GALNT17: variants seen among roughly 807,000 people sequenced by gnomAD.
GALNT17 encodes the protein polypeptide N-acetylgalactosaminyltransferase 17.
Under a neutral mutation model 63.7 loss-of-function variants are expected in GALNT17, and 29 were observed. The observed-to-expected ratio is 0.46, with a 90% CI of 0.34 to 0.62. The LOEUF (loss-of-function observed/expected upper bound fraction) is 0.62. GALNT17 is among the 20% of genes least tolerant of loss of function. GALNT17 has a pLI of 0.01. For synonymous variants in GALNT17, 305 were observed against 318.3 expected, an observed-to-expected ratio of 0.96 and a Z score of 0.45; for missense variants, 603 against 799.6, an observed-to-expected ratio of 0.75 and a Z score of 2.97.
At chr7:71,461,563 G>T (rs1312485768) in intron 5 of GALNT17, among the ~76,000 whole-genome samples, 1 of 152,216 alleles carries the variant, frequency 6.6e-6, no homozygotes, top group Non-Finnish European at 1.5e-5. Flanking sequence ...GAAGGCTGTG[G>T]TTTTCTTTCC....
intron 5 of GALNT17, among the ~76,000 whole-genome samples, chr7:71,437,075 A>C (rs2116506090): frequency 6.6e-6 from 1 of 152,320 alleles, no homozygotes; most frequent in South Asian, 2.1e-4. Context: ...AGAGGTCTTA[A>C]GTAAACACCA....
intron 2 of GALNT17, among the ~76,000 whole-genome samples, chr7:71,366,441 C>T (rs915158601): frequency 4.6e-5 from 7 of 152,110 alleles, no homozygotes; most frequent in African/African-American, 1.7e-4. Flanking sequence ...ATTAGCTAGG[C>T]ATGGTGGCGG....
At chr7:71,365,980 G>T (rs1341015411) in intron 2 of GALNT17, among the ~76,000 whole-genome samples, 1 of 152,156 alleles carries the variant, frequency 6.6e-6, no homozygotes, top group Non-Finnish European at 1.5e-5. Flanking sequence ...CCATCTGGGG[G>T]TGATGGGAGA....
chr7:71,603,339 T>TATG lies in GALNT17; in HGVS notation c.1080+31938_1080+31940dup, dbSNP rs575636764. Among the ~76,000 whole-genome samples the TATG allele has an allele frequency of 4.3e-4, 66 of 151,730 alleles. No individual in the cohort carries two copies. The South Asian group carries it at 1.0e-2, about 23-fold the overall frequency. ...CTATGCTAGTGCATATACCAGGTAC[T>TATG]ATGTTAAGTGCATACACTGGATACT... is the stretch of plus-strand genomic sequence containing the variant. On this transcript the variant is annotated intron_variant, in intron 6 of 10. Transcript: ENST00000333538.
chr7:71,463,442 G>T (rs1466994148), intron 5 of GALNT17, among the ~76,000 whole-genome samples: 1 of 152,100 alleles, frequency 6.6e-6, no homozygotes. Flanking sequence ...CCAGAAAGGG[G>T]TCCCAATCCA....
At chr7:71,562,473 G>A (rs1418248334) in intron 5 of GALNT17, among the ~76,000 whole-genome samples, 1 of 152,172 alleles carries the variant, frequency 6.6e-6, no homozygotes, top group Admixed American at 6.5e-5. Context: ...CCTGCAACTA[G>A]AGGGTCCCAT....
chr7:71,363,321 G>A (rs931852791), intron 2 of GALNT17, among the ~76,000 whole-genome samples: 3 of 152,186 alleles, frequency 2.0e-5, no homozygotes, highest in Non-Finnish European at 2.9e-5. Flanking sequence ...GTTTTGGAGT[G>A]TAGATGGTGT....
At chr7:71,203,414 A>G (rs1056208785) in intron 1 of GALNT17, among the ~76,000 whole-genome samples, 3 of 152,198 alleles carry the variant, frequency 2.0e-5, no homozygotes, top group East Asian at 1.9e-4. Flanking sequence ...ATTTTTTAAT[A>G]TACTTGTTGG....
chr7:71,640,449 A>G (rs187611547), intron 6 of GALNT17, among the ~76,000 whole-genome samples: 2 of 152,148 alleles, frequency 1.3e-5, no homozygotes, highest in African/African-American at 4.8e-5. Flanking sequence ...TATAAAATAC[A>G]TGTTGATGTT....
chr7:71,420,651 T>G (rs924409051), intron 4 of GALNT17, among the ~76,000 whole-genome samples: 3 of 152,158 alleles, frequency 2.0e-5, no homozygotes, highest in African/African-American at 7.2e-5. Flanking sequence ...CTCCAGGCTT[T>G]TCGGGCCAGA....
intron 1 of GALNT17, among the ~76,000 whole-genome samples, chr7:71,163,963 G>C (rs188642275): frequency 6.6e-6 from 1 of 152,272 alleles, no homozygotes; most frequent in South Asian, 2.1e-4. Flanking sequence ...TGTAGAGACT[G>C]TCTGCCATTT....
chr7:71,236,153 C>CCA (rs1451414449), intron 1 of GALNT17, among the ~76,000 whole-genome samples: 2 of 151,526 alleles, frequency 1.3e-5, no homozygotes, highest in Non-Finnish European at 2.9e-5. Flanking sequence ...TGCACTTCAG[C>CCA]CTGGGTAGAC....
At chr7:71,457,215 C>A (rs1363166264) in intron 5 of GALNT17, among the ~76,000 whole-genome samples, 1 of 152,176 alleles carries the variant, frequency 6.6e-6, no homozygotes, top group Non-Finnish European at 1.5e-5. Flanking sequence ...GATCTTGAGG[C>A]CTGCAGGGAA....
intron 2 of GALNT17, among the ~76,000 whole-genome samples, chr7:71,348,283 G>A (rs903445406): frequency 6.6e-6 from 1 of 151,908 alleles, no homozygotes; most frequent in East Asian, 1.9e-4. Context: ...AGAAATGGAT[G>A]CTCTTGAGAC....
intron 1 of GALNT17, among the ~76,000 whole-genome samples, chr7:71,176,211 A>T (rs1401037475): frequency 6.6e-6 from 1 of 152,028 alleles, no homozygotes; most frequent in Non-Finnish European, 1.5e-5. Flanking sequence ...ACTGAATTTT[A>T]GGATGTAGCC....
At chr7:71,655,525 G>A (rs1325034235) in intron 6 of GALNT17, among the ~76,000 whole-genome samples, 1 of 152,116 alleles carries the variant, frequency 6.6e-6, no homozygotes, top group Non-Finnish European at 1.5e-5. Flanking sequence ...CTGCAGACTG[G>A]GCCATGGTAT....
chr7:71,231,972 A>C (rs1789797961), intron 1 of GALNT17, among the ~76,000 whole-genome samples: 2 of 152,080 alleles, frequency 1.3e-5, no homozygotes, highest in South Asian at 4.2e-4. Context: ...ACATTGGGGA[A>C]GTAGGTTCTC....
At position 71,272,652 on chromosome 7, in the gene GALNT17, A is replaced by G. The variant is rs968859394; in HGVS notation, c.239-62898A>G. On this transcript the variant is annotated intron_variant, in intron 1 of 10. Coordinates refer to ENST00000333538, the MANE Select transcript of GALNT17 (RefSeq NM_022479.3). ...AGCCCTTCAACCTGCGCTTCAGACA[A>G]TCGACAGCAGGATTCCCTGTTTAGA... 7.9e-5 allele frequency among the ~76,000 whole-genome samples: 12 copies of G among 152,306 alleles called. No homozygotes were observed. In the South Asian group the frequency reaches 1.2e-3, roughly 16 times the overall value.
chr7:71,148,749 T>A (rs1377301511), intron 1 of GALNT17, among the ~76,000 whole-genome samples: 1 of 151,228 alleles, frequency 6.6e-6, no homozygotes, highest in African/African-American at 2.4e-5. Context: ...CAGTGACATG[T>A]CATCATTTAA....
Sources: allele counts gnomAD v4.1 joint callset (sites outside exome capture counted in the v4.1 genomes callset), GRCh38; gene constraint gnomAD v4.1.1; transcripts MANE v1.5; gene names NCBI Gene and HGNC (gene_info 2026-07-23, HGNC 2026-07-21).